Variants in SLC38A9 observed in about 807,000 individuals in gnomAD.
The protein encoded by SLC38A9 is solute carrier family 38 member 9.
A neutral mutation model predicts 62.3 loss-of-function variants in SLC38A9; 48 were observed. The ratio of observed to expected loss-of-function variants is 0.77; its 90% CI spans 0.61 to 0.98. The LOEUF (loss-of-function observed/expected upper bound fraction) is 0.98, where lower values mean the gene tolerates loss of function less well. Among genes scored for constraint, SLC38A9 ranks in the 50% least tolerant of loss-of-function variants. The pLI, the probability that SLC38A9 is intolerant of heterozygous loss-of-function variation, is 0.00. For synonymous variants in SLC38A9, 204 were observed against 227.7 expected, an observed-to-expected ratio of 0.90 and a Z score of 0.94; for missense variants, 541 against 679.8, an observed-to-expected ratio of 0.80 and a Z score of 2.27.
chr5:55,680,214 T>TA, intron 3 of SLC38A9, among the ~76,000 whole-genome samples: 1 of 29,518 alleles, frequency 3.4e-5, no homozygotes, highest in Non-Finnish European at 1.2e-4. Context: ...AGTGTATATA[T>TA]CTATATATAT....
intron 3 of SLC38A9, among the ~76,000 whole-genome samples, chr5:55,676,611 A>G (rs1311966001): frequency 1.3e-5 from 2 of 152,244 alleles, no homozygotes; most frequent in Non-Finnish European, 2.9e-5. Context: ...AATATTTTGT[A>G]TCATACAGAA....
chr5:55,678,138 G>GGTTTTT (rs1554063004), intron 3 of SLC38A9, among the ~76,000 whole-genome samples: 1 of 129,444 alleles, frequency 7.7e-6, no homozygotes, highest in Non-Finnish European at 1.6e-5. Context: ...AAGGTTACTG[G>GGTTTTT]TTTTTTTTTC....
intron 3 of SLC38A9, chr5:55,673,564 C>T (rs985706286): frequency 6.6e-6 from 1 of 152,024 alleles, no homozygotes; most frequent in Non-Finnish European, 1.5e-5. Flanking sequence ...CATAATTTGC[C>T]ATTTCAGGCA....
chr5:55,659,378 G>GTT (rs35686566), intron 8 of SLC38A9, among the ~76,000 whole-genome samples: 2,727 of 125,064 alleles, frequency 0.022, 125 homozygotes, highest in Non-Finnish European at 0.031. Context: ...AACTGGAAAG[G>GTT]TTTTTTTTTT....
intron 2 of SLC38A9, among the ~76,000 whole-genome samples, chr5:55,710,086 G>GAAAAAAAAAAAAAAAAA (rs11394301): frequency 1.7e-5 from 2 of 118,900 alleles, no homozygotes; most frequent in African/African-American, 3.2e-5. Flanking sequence ...AAAAAAAAAA[G>GAAAAAAAAAAAAAAAAA]AAAAAAAAAA....
rs184896224 is a variant in SLC38A9, at chr5:55,687,940, G to A, written c.113+9906C>T. 6.2e-3 allele frequency among the ~76,000 whole-genome samples: 949 copies of A among 152,142 alleles called. 10 individuals are homozygous for A. Among genetic ancestry groups the A allele is most frequent in the African/African-American group, 0.022 (920 of 41,516 alleles). On this transcript the variant is annotated intron_variant, in intron 3 of 15. Coordinates refer to ENST00000396865, the MANE Select transcript of SLC38A9 (RefSeq NM_173514.4). The stretch of plus-strand genomic sequence containing the variant: ...TCTCAATCTCCTGACCTCATGATCC[G>A]CCCGCCTTGGCCTCCCAAAGTGTTG...
intron 3 of SLC38A9, among the ~76,000 whole-genome samples, chr5:55,684,864 G>T (rs11739170): frequency 0.6 from 91,148 of 151,950 alleles, 27,916 homozygotes; most frequent in South Asian, 0.7. Flanking sequence ...ATGTTGGCCA[G>T]GCTAGTCTCG....
chr5:55,680,669 C>CT (rs35110602), intron 3 of SLC38A9, among the ~76,000 whole-genome samples: 91,149 of 152,012 alleles, frequency 0.6, 27,909 homozygotes, highest in South Asian at 0.7. Flanking sequence ...ACCAAATGGA[C>CT]AAGGCACTTA....
intron 3 of SLC38A9, chr5:55,675,133 A>C (rs1159854624): frequency 6.6e-6 from 1 of 152,246 alleles, no homozygotes. Flanking sequence ...TACTTTAAAA[A>C]TTCAATATTA....
intron 9 of SLC38A9, among the ~76,000 whole-genome samples, chr5:55,655,795 C>T (rs960129725): frequency 1.3e-5 from 2 of 152,078 alleles, no homozygotes; most frequent in African/African-American, 4.8e-5. Context: ...TTTAGTATCC[C>T]TGAAATCTAA....
chr5:55,633,946 A>G, intron 13 of SLC38A9, 44 bp from the exon 14 acceptor site: 1 of 1,430,834 alleles, frequency 7.0e-7, no homozygotes, highest in South Asian at 1.3e-5. Context: ...AATCAAATTC[A>G]GTACACACAT....
intron 3 of SLC38A9, among the ~76,000 whole-genome samples, chr5:55,684,171 T>C (rs1753422650): frequency 6.6e-6 from 1 of 152,232 alleles, no homozygotes; most frequent in South Asian, 2.1e-4. Flanking sequence ...CTTGAACATG[T>C]TAAAGACAGT....
intron 2 of SLC38A9, among the ~76,000 whole-genome samples, chr5:55,700,035 C>T (rs1011272325): frequency 1.3e-5 from 2 of 151,980 alleles, no homozygotes; most frequent in Non-Finnish European, 2.9e-5. Context: ...ATAAACATTA[C>T]AGGGTTTGAA....
intron 12 of SLC38A9, among the ~76,000 whole-genome samples, chr5:55,637,993 G>A (rs990785022): frequency 6.7e-6 from 1 of 149,720 alleles, no homozygotes; most frequent in Admixed American, 6.7e-5. Flanking sequence ...TAAAAAAAAA[G>A]AGAGGTAACA....
intron 3 of SLC38A9, among the ~76,000 whole-genome samples, chr5:55,673,682 C>T (rs540974815): frequency 3.3e-5 from 5 of 151,146 alleles, no homozygotes; most frequent in Non-Finnish European, 7.4e-5. Flanking sequence ...ATATGGTAAC[C>T]ATTTCTGGAG....
At chr5:55,678,510 T>A (rs1372733691) in intron 3 of SLC38A9, among the ~76,000 whole-genome samples, 2 of 152,088 alleles carry the variant, frequency 1.3e-5, no homozygotes, top group African/African-American at 4.8e-5. Context: ...AAAAATAGCA[T>A]GGAATACTAA....
intron 3 of SLC38A9, chr5:55,696,788 GCTC>G (rs1163050827): frequency 6.4e-6 from 1 of 157,084 alleles, no homozygotes; most frequent in Non-Finnish European, 1.4e-5. Context: ...GGGTGGAGAG[GCTC>G]CTCACTTCTC....
At chr5:55,686,543 CA>C (rs1753844019) in intron 3 of SLC38A9, among the ~76,000 whole-genome samples, 1 of 152,172 alleles carries the variant, frequency 6.6e-6, no homozygotes, top group Admixed American at 6.5e-5. Flanking sequence ...ACATAGTTCG[CA>C]AAAATTTTCT....
At chr5:55,633,936 A>T (rs1484922564) in intron 13 of SLC38A9, 34 bp from the exon 14 acceptor site, 1 of 1,518,194 alleles carries the variant, frequency 6.6e-7, no homozygotes, top group African/African-American at 1.4e-5. Context: ...TCATGTTAAA[A>T]ATCAAATTCA....
Sources: gnomAD v4.1 joint callset for allele counts (sites outside exome capture counted in the v4.1 genomes callset) on GRCh38, gnomAD v4.1.1 for gene constraint, MANE v1.5 for transcripts, NCBI Gene and HGNC (gene_info 2026-07-23, HGNC 2026-07-21) for gene names.